SLIT1: variants seen among roughly 807,000 people sequenced by gnomAD.
The protein encoded by SLIT1 is slit guidance ligand 1, also known as slit homolog 1 protein.
A neutral mutation model predicts 186.1 loss-of-function variants in SLIT1; 66 were observed. That is an observed-to-expected ratio of 0.35 (90% CI 0.29 to 0.44). The LOEUF is 0.44. SLIT1 is among the 20% of genes least tolerant of loss of function. The pLI is 1.00. For missense variants in SLIT1, 1,638 were observed against 2,037.4 expected (o/e 0.80, Z 3.77); for synonymous variants, 761 against 833.8 (o/e 0.91, Z 1.50).
intron 4 of SLIT1, among the ~76,000 whole-genome samples, chr10:97,095,845 T>A (rs556478948): frequency 6.6e-6 from 1 of 152,230 alleles, no homozygotes; most frequent in African/African-American, 2.4e-5. Flanking sequence ...GACGCTATCA[T>A]CTCTAAAGCA....
chr10:97,153,224 G>A (rs1849900810), intron 4 of SLIT1: 1 of 152,180 alleles, frequency 6.6e-6, no homozygotes, highest in South Asian at 2.1e-4. Context: ...CATAGATCCT[G>A]CATAGGAAAG....
chr10:97,001,464 T>C (rs1848308781), intron 36 of SLIT1, 114 bp from the exon 37 acceptor site: 4 of 777,950 alleles, frequency 5.1e-6, no homozygotes, highest in Non-Finnish European at 8.6e-6. Context: ...GGGTGGATCC[T>C]TTGGCTCTCA....
At position 97,018,712 on chromosome 10, in the gene SLIT1, C is replaced by T. The variant is rs1368045636; in HGVS notation, c.2872-29G>A. ...GGGGGAAAGTCAGTGATGGGGACCC[C>T]AGGGAGACCCAGGAGTTAGTATGAG... is the stretch of plus-strand genomic sequence containing the variant. On this transcript the variant is annotated intron_variant, in intron 27 of 36. Transcript: ENST00000266058. The T allele has an allele frequency of 3.5e-6, 5 of 1,446,630 alleles. 1 individual carries two copies. Among genetic ancestry groups the T allele is most frequent in the Non-Finnish European group, 4.8e-6 (5 of 1,051,012 alleles). The allele number at this position is 1,446,630 out of a possible 1,614,324, so 89.6% of individuals were successfully genotyped here.
Position 97,037,098 on chromosome 10 carries a change from G to GTA in SLIT1, c.2366+598_2366+599dup, listed in dbSNP as rs1554846073. Among the ~76,000 whole-genome samples the GTA allele has an allele frequency of 3.4e-3, 405 of 117,822 alleles. 5 individuals are homozygous for GTA. Among genetic ancestry groups the GTA allele is most frequent in the African/African-American group, 0.012 (376 of 32,040 alleles). 77.3% of individuals were successfully genotyped at this position (117,822 alleles called of 152,430 possible). The stretch of plus-strand genomic sequence containing the variant: ...TGTGTGTGTGTGTGTGTGTGTGTGT[G>GTA]TATGTGTGTGTGTGTGACGGAGTTT... On this transcript the variant is annotated intron_variant, in intron 22 of 36. Transcript: ENST00000266058.
At chr10:97,145,722 C>T (rs933839580) in intron 4 of SLIT1, among the ~76,000 whole-genome samples, 6 of 152,166 alleles carry the variant, frequency 3.9e-5, no homozygotes, top group African/African-American at 1.4e-4. Flanking sequence ...TTATCCCCCT[C>T]TCTCTACTCC....
rs1437167283 is a variant in SLIT1, at chr10:97,166,614, AGAAAGAAAG to A, written c.198-1733_198-1725del. ...AAGAAAGAAAGAAAGAAAGAAAGAA[AGAAAGAAAG>A]AGAAAAGAAAAGAAAAGAAAGGAAA... On this transcript the variant is annotated intron_variant, in intron 1 of 36. Transcript: ENST00000266058. 1.3e-3 allele frequency among the ~76,000 whole-genome samples: 88 copies of A among 67,068 alleles called. 1 individual carries two copies. The highest frequency in any genetic ancestry group is 0.012 in the South Asian group (21 of 1,780). The allele number at this position is 67,068 out of a possible 152,430, so 44.0% of individuals were successfully genotyped here. A position where few individuals can be genotyped will look rare whatever the true frequency, so the allele number is the denominator to read the frequency against.
rs369602573 is a variant in SLIT1, at chr10:97,031,660, G to T, written c.2456C>A (p.Ala819Asp). ...QLTTLILSYNALQCIPPLAFQ... is the reference protein window; with the variant it reads ...QLTTLILSYNDLQCIPPLAFQ... ...GGCCAAAGGCGGGATGCACTGCAGG[G>T]CATTGTAGCTGAGGATCCTGCGGAG... Residue 819 changes from alanine (A) to aspartate (D), a missense_variant, in exon 24 of 37, where the codon GCC becomes GAC. Transcript: ENST00000266058. 4.5e-6 allele frequency: 7 copies of T among 1,551,654 alleles called. No homozygotes were observed. Among genetic ancestry groups the T allele is most frequent in the Non-Finnish European group, 6.1e-6 (7 of 1,146,910 alleles).
chr10:97,138,266 C>T (rs139364870), intron 4 of SLIT1, among the ~76,000 whole-genome samples: 5 of 152,222 alleles, frequency 3.3e-5, no homozygotes, highest in Admixed American at 2.0e-4. Context: ...ATATTACATG[C>T]GAAGTCCAGA....
chr10:97,119,495 C>G (rs1849539168), intron 4 of SLIT1, among the ~76,000 whole-genome samples: 1 of 152,132 alleles, frequency 6.6e-6, no homozygotes, highest in African/African-American at 2.4e-5. Flanking sequence ...AACATGAATT[C>G]ACAATGGCTC....
intron 4 of SLIT1, among the ~76,000 whole-genome samples, chr10:97,082,636 G>A (rs868465366): frequency 1.1e-4 from 17 of 151,914 alleles, no homozygotes; most frequent in African/African-American, 3.6e-4. Flanking sequence ...AGGTTTCACC[G>A]TGTTAGCCAG....
chr10:97,048,977 C>T lies in SLIT1; in HGVS notation c.1443G>A (p.Lys481=), dbSNP rs1294108859. Residue 481 remains lysine (K), a synonymous_variant, in exon 14 of 37, where the codon AAG becomes AAA. Transcript: ENST00000266058. ...TACCTGAGCACCGGAACTTCTTGCT[C>T]TTGATCTGCCCGATGCGCTTGTTGG... ...RLANKRIGQI[K]SKKFRCSAKE... 1 of 1,608,646 alleles carries T rather than the reference C, an allele frequency of 6.2e-7. No individual in the cohort carries two copies. Among genetic ancestry groups the T allele is most frequent in the Admixed American group, 1.7e-5 (1 of 59,896 alleles).
chr10:97,091,497 A>C (rs1469525274), intron 4 of SLIT1, among the ~76,000 whole-genome samples: 1 of 152,228 alleles, frequency 6.6e-6, no homozygotes, highest in African/African-American at 2.4e-5. Context: ...TTTGTATTGA[A>C]CTTTGTAGTT....
chr10:97,092,894 C>A (rs1331412938), intron 4 of SLIT1, among the ~76,000 whole-genome samples: 2 of 152,192 alleles, frequency 1.3e-5, no homozygotes, highest in Admixed American at 6.5e-5. Context: ...CTATTTATTC[C>A]TCACAACAAC....
intron 4 of SLIT1, among the ~76,000 whole-genome samples, chr10:97,100,660 G>C (rs1280755065): frequency 5.3e-5 from 8 of 151,680 alleles, no homozygotes. Context: ...AACAATAATT[G>C]TTATTCATTC....
chr10:97,067,742 T>C (rs1444018120), intron 4 of SLIT1, among the ~76,000 whole-genome samples: 1 of 151,894 alleles, frequency 6.6e-6, no homozygotes, highest in African/African-American at 2.4e-5. Flanking sequence ...CACACCGGGG[T>C]CCTGAAGGTG....
In SLIT1 at chr10:97,164,804, G is replaced by A. The variant is rs200456741; in HGVS notation, c.269+15C>T. 1.2e-4 allele frequency: 198 copies of A among 1,594,478 alleles called. No homozygotes were observed. In the African/African-American group the frequency reaches 1.3e-3, roughly 10 times the overall value. On this transcript the variant is annotated intron_variant, in intron 2 of 36. Coordinates refer to ENST00000266058, the MANE Select transcript of SLIT1 (RefSeq NM_003061.3). ...ATTGCCAGGGGTGGGGTGGGAGGGAGCACCCCATACTCACAGCACCCGCAG... is the reference window on the plus strand; with the variant it reads ...ATTGCCAGGGGTGGGGTGGGAGGGAACACCCCATACTCACAGCACCCGCAG...
In SLIT1 at chr10:97,180,768, C is replaced by T. The variant is rs527833837; in HGVS notation, c.197+4710G>A. Reference sequence around the variant, plus strand: ...ATGAGCGCTCTAAACAGACAGACTGCGCTCTAAGCAGACAGACTGCAAGAG... The same window carrying T: ...ATGAGCGCTCTAAACAGACAGACTGTGCTCTAAGCAGACAGACTGCAAGAG... On this transcript the variant is annotated intron_variant, in intron 1 of 36. Coordinates refer to ENST00000266058, the MANE Select transcript of SLIT1 (RefSeq NM_003061.3). Among the ~76,000 whole-genome samples, 43 of 152,334 alleles carry T rather than the reference C, an allele frequency of 2.8e-4. 1 individual carries two copies. The highest frequency in any genetic ancestry group is 3.4e-3 in the Middle Eastern group (1 of 294).
At chr10:97,067,916 G>A (rs549122972) in intron 4 of SLIT1, among the ~76,000 whole-genome samples, 6 of 152,012 alleles carry the variant, frequency 3.9e-5, no homozygotes, top group African/African-American at 9.7e-5. Flanking sequence ...CTGCCCCGCC[G>A]CACACCGCCC....
chr10:97,039,395 G>T lies in SLIT1; in HGVS notation c.2297+593C>A, dbSNP rs1396866501. Among the ~76,000 whole-genome samples the T allele has an allele frequency of 2.0e-5, 3 of 152,316 alleles. No individual in the cohort carries two copies. The East Asian group carries it at 5.8e-4, about 29-fold the overall frequency. On this transcript the variant is annotated intron_variant, in intron 21 of 36. Transcript: ENST00000266058. ...CAGCACCATACTCAGTGCTGACCCA[G>T]GGAAGCAAGAAGGCCACCTTCTCAC...
Sources: gnomAD v4.1 joint callset for allele counts (sites outside exome capture counted in the v4.1 genomes callset) on GRCh38, gnomAD v4.1.1 for gene constraint, MANE v1.5 for transcripts, NCBI Gene and HGNC (gene_info 2026-07-23, HGNC 2026-07-21) for gene names.